Variants in ATXN3 observed in about 807,000 individuals in gnomAD.
ATXN3 encodes ataxin 3.
Under a neutral mutation model 58.2 loss-of-function variants are expected in ATXN3, and 28 were observed. The observed-to-expected ratio is 0.48, with a 90% CI of 0.36 to 0.66. ATXN3 has a LOEUF of 0.66. Ranked by LOEUF, ATXN3 falls within the 30% of genes least tolerant of loss-of-function variation. ATXN3 has a pLI of 0.00. For synonymous variants in ATXN3, 113 were observed against 138.5 expected (o/e 0.82, Z 1.29); for missense variants, 321 against 422.1 (o/e 0.76, Z 2.10).
chr14:92,081,555 T>C (rs1168664691), intron 8 of ATXN3, among the ~76,000 whole-genome samples: 1 of 151,154 alleles, frequency 6.6e-6, no homozygotes, highest in Non-Finnish European at 1.5e-5. Context: ...AGGACTCTAT[T>C]AATCAAAAAT....
At chr14:92,082,589 C>T in intron 7 of ATXN3, 123 bp from the exon 8 acceptor site, 3 of 919,652 alleles carry the variant, frequency 3.3e-6, no homozygotes, top group Non-Finnish European at 4.7e-6. Context: ...GGCAAATAAG[C>T]TCTAGTAATA....
rs1244004510 is a variant in ATXN3 at position 92,060,258 on chromosome 14, A to ATG, written c.*4061_*4062insCA. On this transcript the variant is annotated 3_prime_UTR_variant, in exon 11 of 11. Coordinates refer to ENST00000644486, the MANE Select transcript of ATXN3 (RefSeq NM_004993.6). Reference sequence around the variant, plus strand: ...CATATATATATACACACATATATATATATATATATATATTTTTTTTTTTCA... The same window carrying ATG: ...CATATATATATACACACATATATATATGTATATATATATATTTTTTTTTTTCA... 2.6e-5 allele frequency: 3 copies of ATG among 113,410 alleles called. No individual in the cohort carries two copies. The highest frequency in any genetic ancestry group is 1.0e-4 in the African/African-American group (3 of 29,542). 7.0% of individuals were successfully genotyped at this position (113,410 alleles called of 1,614,324 possible).
chr14:92,097,146 T>C lies in ATXN3; in HGVS notation c.25-308A>G, dbSNP rs576638721. On this transcript the variant is annotated intron_variant, in intron 1 of 10. Coordinates refer to ENST00000644486, the MANE Select transcript of ATXN3 (RefSeq NM_004993.6). ...GGATGGTCTTGATCTCCTGACCTCGTGATCCGCCCGCCTTGGCCTCCCAAA... is the reference window on the plus strand; with the variant it reads ...GGATGGTCTTGATCTCCTGACCTCGCGATCCGCCCGCCTTGGCCTCCCAAA... 2.8e-4 allele frequency among the ~76,000 whole-genome samples: 43 copies of C among 152,248 alleles called. 1 individual carries two copies. In the East Asian group the frequency reaches 6.8e-3, roughly 24 times the overall value.
rs1432177153 is a variant in ATXN3, at chr14:92,058,584, C to G, written c.*5736G>C. ...GCAAACATTATCTTTATTTAATAAT[C>G]TTTGATATTTAAAATACAACTCATT... is the stretch of plus-strand genomic sequence containing the variant. On this transcript the variant is annotated 3_prime_UTR_variant, in exon 11 of 11. Coordinates refer to ENST00000644486, the MANE Select transcript of ATXN3 (RefSeq NM_004993.6). The G allele has an allele frequency of 2.0e-5, 3 of 152,160 alleles. No homozygotes were observed. Among genetic ancestry groups the G allele is most frequent in the African/African-American group, 7.2e-5 (3 of 41,438 alleles). 9.4% of individuals were successfully genotyped at this position (152,160 alleles called of 1,614,324 possible). A position where few individuals can be genotyped will look rare whatever the true frequency, so the allele number is the denominator to read the frequency against.
At chr14:92,091,760 C>T (rs972629475) in intron 5 of ATXN3, among the ~76,000 whole-genome samples, 3 of 152,032 alleles carry the variant, frequency 2.0e-5, no homozygotes, top group African/African-American at 2.4e-5. Context: ...TGCAGTAGCA[C>T]GATCATGATT....
chr14:92,070,784 C>G (rs2059294653), intron 10 of ATXN3, 151 bp downstream of exon 10: 1 of 1,454,820 alleles, frequency 6.9e-7, no homozygotes, highest in African/African-American at 1.5e-5. Context: ...CTCCTTAATC[C>G]AGGGAAATTT....
chr14:92,054,002 T>C (rs150753726), downstream of ATXN3, among the ~76,000 whole-genome samples: 1 of 151,830 alleles, frequency 6.6e-6, no homozygotes, highest in South Asian at 2.1e-4. Context: ...TGGCGCGATA[T>C]CTGCTTACTG....
At chr14:92,103,495 G>C (rs2067350932) in intron 1 of ATXN3, among the ~76,000 whole-genome samples, 1 of 152,018 alleles carries the variant, frequency 6.6e-6, no homozygotes, top group Non-Finnish European at 1.5e-5. Flanking sequence ...GAGTGCAGTG[G>C]TGCGATCATG....
At position 92,060,291 on chromosome 14, in the gene ATXN3, T is replaced by C. The variant is rs1246765058; in HGVS notation, c.*4029A>G. ...ATATATTTTTTTTTTTCAGAAACAG[T>C]GTCTCACTCTGTTGGGCAGGCTGGA... On this transcript the variant is annotated 3_prime_UTR_variant, in exon 11 of 11. Coordinates refer to ENST00000644486, the MANE Select transcript of ATXN3 (RefSeq NM_004993.6). 1.5e-5 allele frequency: 2 copies of C among 135,184 alleles called. No homozygotes were observed. The highest frequency in any genetic ancestry group is 3.2e-5 in the Non-Finnish European group (2 of 63,288). 8.4% of individuals were successfully genotyped at this position (135,184 alleles called of 1,614,324 possible).
downstream of ATXN3, among the ~76,000 whole-genome samples, chr14:92,056,117 C>A (rs1380814104): frequency 7.3e-6 from 1 of 137,660 alleles, no homozygotes; most frequent in Non-Finnish European, 1.6e-5. Flanking sequence ...TCTGCTCCCT[C>A]CTGGCCTCCT....
chr14:92,093,871 T>G, intron 3 of ATXN3, 40 bp from the exon 4 acceptor site: 1 of 1,241,718 alleles, frequency 8.1e-7, no homozygotes, highest in East Asian at 2.3e-5. Flanking sequence ...GCTAAACCAC[T>G]CCATTCCAAA....
chr14:92,053,559 C>T (rs764918454), downstream of ATXN3, among the ~76,000 whole-genome samples: 6 of 147,602 alleles, frequency 4.1e-5, no homozygotes, highest in East Asian at 4.1e-4. Flanking sequence ...TGCAGTGGTG[C>T]GATCATAGCT....
At chr14:92,096,641 AGAAAT>A (rs1486734007) in intron 2 of ATXN3, 28 bp downstream of exon 2, 1 of 1,556,548 alleles carries the variant, frequency 6.4e-7, no homozygotes, top group African/African-American at 1.4e-5. Flanking sequence ...AAAAAAAAAA[AGAAAT>A]GTGACTTAGT....
In ATXN3 at chr14:92,063,358, A is replaced by C. The variant is rs2057911724; in HGVS notation, c.*962T>G. On this transcript the variant is annotated 3_prime_UTR_variant, in exon 11 of 11. Transcript: ENST00000644486. ...AAAAATAAAATAAAACTGCTATTAA[A>C]ATTGAAGGCCAAATTTCATGTATCA... The C allele has an allele frequency of 6.6e-6, 1 of 152,180 alleles. No individual in the cohort carries two copies. Among genetic ancestry groups the C allele is most frequent in the African/African-American group, 2.4e-5 (1 of 41,444 alleles). 9.4% of individuals were successfully genotyped at this position (152,180 alleles called of 1,614,324 possible). A position where few individuals can be genotyped will look rare whatever the true frequency, so the allele number is the denominator to read the frequency against.
rs1356130599 is a variant in ATXN3 at position 92,095,127 on chromosome 14, CATA to C, written c.234+963_234+965del. ...AAAAAAAAAATCAAAAGCCACAAAC[CATA>C]ATAAGGAAATCCAGTCTGGTAGGCT... On this transcript the variant is annotated intron_variant, in intron 3 of 10. Transcript: ENST00000644486. 3.3e-5 allele frequency among the ~76,000 whole-genome samples: 5 copies of C among 150,340 alleles called. No homozygotes were observed. The East Asian group carries it at 5.9e-4, about 18-fold the overall frequency.
At chr14:92,075,079 G>T (rs2060103198) in intron 9 of ATXN3, among the ~76,000 whole-genome samples, 1 of 151,604 alleles carries the variant, frequency 6.6e-6, no homozygotes, top group Non-Finnish European at 1.5e-5. Context: ...AACAGATTTA[G>T]AGACTACTGC....
intron 1 of ATXN3, among the ~76,000 whole-genome samples, chr14:92,048,739 T>C (rs1301641223): frequency 2.6e-5 from 4 of 151,700 alleles, no homozygotes; most frequent in Non-Finnish European, 4.4e-5. Context: ...AAAAGGATTA[T>C]AGGGTGGGGG....
At chr14:92,057,102 T>C (rs985256872), downstream of ATXN3, among the ~76,000 whole-genome samples, 5 of 152,154 alleles carry the variant, frequency 3.3e-5, no homozygotes, top group Non-Finnish European at 7.3e-5. Context: ...AGGGCAGGCA[T>C]GAATAATCCA....
chr14:92,070,506 G>C (rs561248414), intron 10 of ATXN3, among the ~76,000 whole-genome samples: 18 of 152,280 alleles, frequency 1.2e-4, no homozygotes, highest in African/African-American at 3.4e-4. Context: ...ATGAACCCAG[G>C]AAGCAGAGCT....
Sources: allele counts gnomAD v4.1 joint callset (sites outside exome capture counted in the v4.1 genomes callset), GRCh38; gene constraint gnomAD v4.1.1; transcripts MANE v1.5; gene names NCBI Gene and HGNC (gene_info 2026-07-23, HGNC 2026-07-21).